Variants in CPNE4 observed in about 807,000 individuals in gnomAD.
The protein encoded by CPNE4 is copine 4.
A neutral mutation model predicts 67.9 loss-of-function variants in CPNE4; 25 were observed. The observed-to-expected ratio is 0.37, with a 90% confidence interval of 0.27 to 0.51. CPNE4 has a LOEUF of 0.51. CPNE4 is among the 20% of genes least tolerant of loss of function. CPNE4 has a pLI of 0.93. For missense variants in CPNE4, 464 were observed against 690.8 expected (o/e 0.67, Z 3.68); for synonymous variants, 242 against 244.9 (o/e 0.99, Z 0.11).
chr3:131,966,905 T>C (rs2072366971), intron 1 of CPNE4, among the ~76,000 whole-genome samples: 1 of 151,962 alleles, frequency 6.6e-6, no homozygotes, highest in Non-Finnish European at 1.5e-5. Flanking sequence ...GATACCAAAA[T>C]CTGGCAGAGA....
intron 1 of CPNE4, among the ~76,000 whole-genome samples, chr3:131,907,584 T>C (rs1457711281): frequency 6.6e-6 from 1 of 152,018 alleles, no homozygotes; most frequent in East Asian, 1.9e-4. Context: ...ATTTATGTAT[T>C]TCACACACAA....
chr3:131,816,686 G>A (rs2084756240), intron 2 of CPNE4, among the ~76,000 whole-genome samples: 1 of 152,020 alleles, frequency 6.6e-6, no homozygotes, highest in Non-Finnish European at 1.5e-5. Context: ...TAACACCCAG[G>A]GATTTTCTCT....
At chr3:131,580,546 C>T (rs1937759904) in intron 9 of CPNE4, among the ~76,000 whole-genome samples, 1 of 151,882 alleles carries the variant, frequency 6.6e-6, no homozygotes, top group Non-Finnish European at 1.5e-5. Context: ...CAATTGAGTC[C>T]TGTATGGAGG....
chr3:132,026,157 A>G (rs2074111848), intron 1 of CPNE4, among the ~76,000 whole-genome samples: 1 of 152,206 alleles, frequency 6.6e-6, no homozygotes, highest in Non-Finnish European at 1.5e-5. Flanking sequence ...TGAGTAAGTT[A>G]AAAGCATGCT....
intron 3 of CPNE4, 81 bp downstream of exon 3, chr3:131,723,365 A>C (rs2081932838): frequency 2.4e-6 from 3 of 1,240,722 alleles, no homozygotes; most frequent in South Asian, 1.4e-5. Flanking sequence ...AGCAAGGATT[A>C]GATGAAGGAA....
intron 7 of CPNE4, among the ~76,000 whole-genome samples, chr3:131,643,226 G>A (rs1381693659): frequency 6.6e-6 from 1 of 152,210 alleles, no homozygotes; most frequent in East Asian, 1.9e-4. Flanking sequence ...TTGCCATAGA[G>A]ATCTGTGGAA....
intron 2 of CPNE4, among the ~76,000 whole-genome samples, chr3:131,827,704 A>G (rs1023176726): frequency 1.3e-5 from 2 of 151,986 alleles, no homozygotes; most frequent in African/African-American, 4.8e-5. Flanking sequence ...GGGTGTTGGG[A>G]TGGAAATGTA....
At chr3:131,849,459 T>A (rs908844961) in intron 2 of CPNE4, among the ~76,000 whole-genome samples, 3 of 151,964 alleles carry the variant, frequency 2.0e-5, no homozygotes, top group Non-Finnish European at 2.9e-5. Context: ...AAGGGGGTGA[T>A]GCTACATACT....
intron 7 of CPNE4, among the ~76,000 whole-genome samples, chr3:131,633,665 TA>T (rs2079295695): frequency 2.0e-5 from 3 of 152,106 alleles, no homozygotes; most frequent in African/African-American, 7.2e-5. Flanking sequence ...GTGATATGGC[TA>T]AAAGTGAGCC....
At chr3:132,016,683 A>T (rs548567637) in intron 1 of CPNE4, among the ~76,000 whole-genome samples, 15 of 152,322 alleles carry the variant, frequency 9.8e-5, no homozygotes, top group Non-Finnish European at 1.3e-4. Context: ...CTCTTTGAAT[A>T]TTAAAATCCT....
chr3:132,002,210 G>A (rs1467097976), intron 1 of CPNE4, among the ~76,000 whole-genome samples: 1 of 152,062 alleles, frequency 6.6e-6, no homozygotes, highest in Non-Finnish European at 1.5e-5. Flanking sequence ...GTACACCATG[G>A]CATTCAGAAT....
intron 11 of CPNE4, among the ~76,000 whole-genome samples, chr3:131,556,162 C>T (rs1017620502): frequency 2.0e-4 from 30 of 151,994 alleles, no homozygotes; most frequent in African/African-American, 6.5e-4. Flanking sequence ...TCACTTGAGG[C>T]CAGGAGTTCA....
chr3:131,701,139 A>G (rs538526402), intron 3 of CPNE4, among the ~76,000 whole-genome samples: 1 of 151,380 alleles, frequency 6.6e-6, no homozygotes, highest in African/African-American at 2.4e-5. Flanking sequence ...GATATACCTA[A>G]TGTAAATGAT....
chr3:131,714,358 A>G (rs2081632832), intron 3 of CPNE4, among the ~76,000 whole-genome samples: 1 of 152,246 alleles, frequency 6.6e-6, no homozygotes, highest in Non-Finnish European at 1.5e-5. Flanking sequence ...ATGGATAATA[A>G]GTCCATTTAA....
intron 1 of CPNE4, among the ~76,000 whole-genome samples, chr3:131,948,752 G>A (rs908836853): frequency 6.6e-6 from 1 of 152,172 alleles, no homozygotes; most frequent in South Asian, 2.1e-4. Flanking sequence ...ATTAAAAACA[G>A]TTCCTGTAGC....
intron 1 of CPNE4, among the ~76,000 whole-genome samples, chr3:131,933,448 C>T (rs776387708): frequency 6.6e-6 from 1 of 152,046 alleles, no homozygotes; most frequent in Non-Finnish European, 1.5e-5. Context: ...TTAGAACGAC[C>T]ATTATGGAAA....
chr3:131,847,826 C>T (rs907399005), intron 2 of CPNE4, among the ~76,000 whole-genome samples: 8 of 152,192 alleles, frequency 5.3e-5, no homozygotes, highest in Admixed American at 5.2e-4. Flanking sequence ...TGGAGGGCTG[C>T]CTGGTCCTGT....
In CPNE4 at chr3:131,863,673, A is replaced by G. The variant is rs1331016915; in HGVS notation, c.180+41591T>C. On this transcript the variant is annotated intron_variant, in intron 2 of 15. Coordinates refer to ENST00000429747, the MANE Select transcript of CPNE4 (RefSeq NM_130808.3). ...TGTAGGTTGCCTGTTCACTCTGATG[A>G]TAGTTTCTTTTGCTGTGCAGAAGCT... Among the ~76,000 whole-genome samples, 342 of 151,956 alleles carry G rather than the reference A, an allele frequency of 2.3e-3. 1 individual carries two copies. The highest frequency in any genetic ancestry group is 3.8e-3 in the Non-Finnish European group (257 of 67,954).
At chr3:132,010,061 T>C (rs555134812) in intron 1 of CPNE4, among the ~76,000 whole-genome samples, 43 of 152,186 alleles carry the variant, frequency 2.8e-4, no homozygotes, top group Non-Finnish European at 6.3e-4. Context: ...TTCAAGGTAG[T>C]ATAGGGAGGC....
Sources: gnomAD v4.1 joint callset for allele counts (sites outside exome capture counted in the v4.1 genomes callset) on GRCh38, gnomAD v4.1.1 for gene constraint, MANE v1.5 for transcripts, NCBI Gene and HGNC (gene_info 2026-07-23, HGNC 2026-07-21) for gene names.